The following PHACTR3 variants were observed in gnomAD, a reference collection of about 807,000 sequenced individuals.
PHACTR3 encodes the protein phosphatase and actin regulator 3, also known as protein phosphatase 1, regulatory subunit 123.
In PHACTR3, 16 loss-of-function variants were observed where a neutral mutation model predicts 66.8. The ratio of observed to expected loss-of-function variants is 0.24; its 90% confidence interval spans 0.16 to 0.36. The LOEUF (loss-of-function observed/expected upper bound fraction) is 0.36, where lower values mean the gene tolerates loss of function less well. Ranked by LOEUF, PHACTR3 falls within the 10% of genes least tolerant of loss-of-function variation. PHACTR3 has a pLI of 1.00. For missense variants in PHACTR3, 647 were observed against 719.9 expected (o/e 0.90, Z 1.16); for synonymous variants, 323 against 292.1 (o/e 1.11, Z -1.08).
chr20:59,802,412 G>T (rs1018370790), intron 7 of PHACTR3, among the ~76,000 whole-genome samples: 12 of 152,224 alleles, frequency 7.9e-5, no homozygotes, highest in African/African-American at 2.9e-4. Context: ...AGGATAGCAG[G>T]CTAGGGCAGA....
chr20:59,786,881 T>C (rs1191210344), intron 7 of PHACTR3, among the ~76,000 whole-genome samples: 2 of 152,202 alleles, frequency 1.3e-5, no homozygotes, highest in African/African-American at 2.4e-5. Context: ...AGAAGTCTCT[T>C]TCTGTGCTGC....
At chr20:59,770,223 T>C (rs752535712) in intron 5 of PHACTR3, among the ~76,000 whole-genome samples, 17 of 152,210 alleles carry the variant, frequency 1.1e-4, no homozygotes, top group Non-Finnish European at 1.6e-4. Flanking sequence ...CTGACACTTA[T>C]GCGTTTCCAT....
At chr20:59,595,420 C>T (rs1202876858) in intron 1 of PHACTR3, among the ~76,000 whole-genome samples, 3 of 152,132 alleles carry the variant, frequency 2.0e-5, no homozygotes, top group African/African-American at 7.2e-5. Context: ...CGAGATTGCG[C>T]CACTGCACTC....
intron 1 of PHACTR3, among the ~76,000 whole-genome samples, chr20:59,596,627 T>C (rs913791443): frequency 2.6e-5 from 4 of 152,250 alleles, no homozygotes; most frequent in Non-Finnish European, 5.9e-5. Flanking sequence ...CATTTTATTG[T>C]CTGATAACTA....
chr20:59,598,141 G>A (rs75702430), intron 1 of PHACTR3, among the ~76,000 whole-genome samples: 285 of 152,196 alleles, frequency 1.9e-3, no homozygotes, highest in African/African-American at 6.4e-3. Context: ...CTTCCCTGTC[G>A]AAAGCCTCCC....
At chr20:59,658,887 C>T (rs2035714469) in intron 1 of PHACTR3, among the ~76,000 whole-genome samples, 1 of 151,636 alleles carries the variant, frequency 6.6e-6, no homozygotes, top group African/African-American at 2.4e-5. Flanking sequence ...ACTATCTGGC[C>T]TACAATTTAG....
At chr20:59,608,853 G>A (rs768369394) in intron 1 of PHACTR3, among the ~76,000 whole-genome samples, 1 of 152,164 alleles carries the variant, frequency 6.6e-6, no homozygotes, top group African/African-American at 2.4e-5. Flanking sequence ...TCAACACCTG[G>A]GGTTCTTGTC....
chr20:59,749,043 A>G (rs1050998734), intron 3 of PHACTR3, among the ~76,000 whole-genome samples: 2 of 152,188 alleles, frequency 1.3e-5, no homozygotes, highest in South Asian at 2.1e-4. Context: ...ATTGCTTCAT[A>G]GTGATAATAA....
At position 59,806,090 on chromosome 20, in the gene PHACTR3, G is replaced by C; in HGVS notation, c.1224G>C (p.Arg408Ser). The change falls in exon 8 of 13, where the codon AGG becomes AGC. Residue 408 changes from arginine (R) to serine (S), a missense_variant. Arg to Ser is a moderately radical substitution (Grantham distance 110). Around this residue, in one of 2 missense-constraint regions of PHACTR3, gnomAD observed 577 missense variants for 571.1 expected, o/e 1.01. Coordinates refer to ENST00000371015, the MANE Select transcript of PHACTR3 (RefSeq NM_080672.5). ...CKKELLAVKL[R>S]NRPSKQELED... is the part of the protein sequence containing the mutation. The stretch of plus-strand genomic sequence containing the variant: ...AGGAGCTCCTGGCCGTGAAGCTAAG[G>C]AACCGGCCAAGCAAACAGGAACTAG... 1 of 1,614,256 alleles carries C rather than the reference G, an allele frequency of 6.2e-7. No homozygotes were observed.
intron 7 of PHACTR3, among the ~76,000 whole-genome samples, chr20:59,786,013 C>T (rs1221616526): frequency 3.9e-5 from 6 of 152,202 alleles, no homozygotes; most frequent in Non-Finnish European, 5.9e-5. Flanking sequence ...GAGTCTGAGT[C>T]GTAAACACTG....
intron 7 of PHACTR3, among the ~76,000 whole-genome samples, chr20:59,776,879 T>C (rs914324308): frequency 3.3e-5 from 5 of 152,182 alleles, no homozygotes; most frequent in African/African-American, 1.2e-4. Context: ...TCTGATTGAG[T>C]GCTCTGCACA....
chr20:59,764,496 C>T (rs138023551), intron 4 of PHACTR3, among the ~76,000 whole-genome samples: 23 of 152,170 alleles, frequency 1.5e-4, no homozygotes, highest in East Asian at 3.9e-4. Context: ...TGGGCAGGTT[C>T]GGGTATTTTA....
At chr20:59,798,737 G>A (rs1282951734) in intron 7 of PHACTR3, among the ~76,000 whole-genome samples, 1 of 152,010 alleles carries the variant, frequency 6.6e-6, no homozygotes, top group East Asian at 1.9e-4. Context: ...GGTAATTTGT[G>A]TGTTCCCTTA....
intron 8 of PHACTR3, among the ~76,000 whole-genome samples, chr20:59,823,473 T>G (rs2042106480): frequency 6.6e-6 from 1 of 152,222 alleles, no homozygotes; most frequent in Non-Finnish European, 1.5e-5. Context: ...ATAAGCATGA[T>G]TTGTTCATGC....
intron 1 of PHACTR3, among the ~76,000 whole-genome samples, chr20:59,651,852 GGTAGGTAGGTAGGTAGGTAGGT>G (rs2035469794): frequency 7.2e-6 from 1 of 138,762 alleles, no homozygotes; most frequent in South Asian, 2.6e-4. Flanking sequence ...TAGGTAGGTA[GGTAGGTAGGTAGGTAGGTAGGT>G]AGGTAGATAG....
intron 7 of PHACTR3, among the ~76,000 whole-genome samples, chr20:59,778,163 C>A (rs999375853): frequency 6.6e-6 from 1 of 152,182 alleles, no homozygotes; most frequent in Non-Finnish European, 1.5e-5. Flanking sequence ...GGCCTCCAGG[C>A]GGTCTCTCTG....
intron 1 of PHACTR3, among the ~76,000 whole-genome samples, chr20:59,580,745 G>A (rs4812110): frequency 0.56 from 85,909 of 152,082 alleles, 27,975 homozygotes; most frequent in African/African-American, 0.88. Context: ...AGGCTCCCTG[G>A]AGGCTATAAC....
At chr20:59,805,779 C>T (rs932016975) in intron 7 of PHACTR3, among the ~76,000 whole-genome samples, 4 of 152,200 alleles carry the variant, frequency 2.6e-5, no homozygotes, top group Admixed American at 2.0e-4. Flanking sequence ...CAGCAGGTGT[C>T]AGCCGGGACT....
chr20:59,680,295 A>T (rs1255127192), intron 1 of PHACTR3, among the ~76,000 whole-genome samples: 2 of 152,186 alleles, frequency 1.3e-5, no homozygotes, highest in Non-Finnish European at 2.9e-5. Flanking sequence ...CAGGGAAGAG[A>T]GTCCAGTGGT....
Sources: allele counts gnomAD v4.1 joint callset (sites outside exome capture counted in the v4.1 genomes callset), GRCh38; gene constraint gnomAD v4.1.1; regional missense constraint gnomAD v4.1.1; transcripts MANE v1.5; gene names NCBI Gene and HGNC (gene_info 2026-07-23, HGNC 2026-07-21).